The following VSTM4 variants were observed in gnomAD, a reference collection of about 807,000 sequenced individuals.
VSTM4 encodes the protein V-set and transmembrane domain containing 4.
Under a neutral mutation model 36.4 loss-of-function variants are expected in VSTM4, and 20 were observed. The observed-to-expected ratio is 0.55, with a 90% CI of 0.39 to 0.80. VSTM4 has a LOEUF of 0.80. Among genes scored for constraint, VSTM4 ranks in the 30% least tolerant of loss-of-function variants. The probability of loss-of-function intolerance (pLI) is 0.00; values close to 1 mark genes in which losing one functional copy is unlikely to be tolerated. For missense variants in VSTM4, 392 were observed against 404.5 expected (o/e 0.97, Z 0.26); for synonymous variants, 182 against 173.9 (o/e 1.05, Z -0.37).
At chr10:49,081,658 G>C (rs1004344384) in intron 3 of VSTM4, among the ~76,000 whole-genome samples, 1 of 152,206 alleles carries the variant, frequency 6.6e-6, no homozygotes, top group Admixed American at 6.5e-5. Flanking sequence ...GCTCCCCACA[G>C]GCAGCCAGGG....
At chr10:49,107,323 G>C (rs550310928) in intron 2 of VSTM4, among the ~76,000 whole-genome samples, 45 of 152,238 alleles carry the variant, frequency 3.0e-4, no homozygotes, top group Non-Finnish European at 2.1e-4. Context: ...ACACATAAGA[G>C]GCTTTGCCCA....
chr10:49,112,780 A>G (rs898707744), intron 1 of VSTM4, among the ~76,000 whole-genome samples: 7 of 152,250 alleles, frequency 4.6e-5, no homozygotes, highest in African/African-American at 1.7e-4. Flanking sequence ...GGATCCCACA[A>G]GCGATGTAGC....
intron 2 of VSTM4, among the ~76,000 whole-genome samples, chr10:49,093,928 T>C (rs184549208): frequency 3.7e-4 from 56 of 152,058 alleles, no homozygotes; most frequent in Admixed American, 5.9e-4. Context: ...TTTGTATTTT[T>C]AGTAGAGATG....
Position 49,085,974 on chromosome 10 carries a change from C to A in VSTM4, c.507G>T (p.Glu169Asp). ...CTTTACCTTCAAAAAATGCCCAAGT[C>A]TCTTTTGTTTTCTCAAAGGATGACT... ...SEESSFEKTKETWAFFEDLYV... is the reference protein window; with the variant it reads ...SEESSFEKTKDTWAFFEDLYV... Residue 169 changes from glutamate to aspartate, a missense_variant, in exon 3 of 8, where the codon GAG becomes GAT. By Grantham distance (45) the Glu-to-Asp change is conservative. Coordinates refer to ENST00000332853, the MANE Select transcript of VSTM4 (RefSeq NM_001031746.5). 3 of 1,592,944 alleles carry A rather than the reference C, an allele frequency of 1.9e-6. No homozygotes were observed. The highest frequency in any genetic ancestry group is 2.6e-6 in the Non-Finnish European group (3 of 1,171,310).
At chr10:49,046,936 T>C (rs373125631) in intron 7 of VSTM4, 47 bp downstream of exon 7, 2 of 1,570,938 alleles carry the variant, frequency 1.3e-6, no homozygotes, top group African/African-American at 2.7e-5. Context: ...ATCTGAGTTG[T>C]GTCTGAGGCT....
intron 3 of VSTM4, 100 bp from the exon 4 acceptor site, chr10:49,077,426 T>G (rs1415247562): frequency 2.8e-6 from 3 of 1,077,888 alleles, no homozygotes; most frequent in Non-Finnish European, 4.2e-6. Context: ...GAAATCCCAG[T>G]GCTACAGTCA....
intron 7 of VSTM4, 83 bp from the exon 8 acceptor site, chr10:49,019,858 T>A (rs564768464): frequency 1.4e-4 from 217 of 1,501,244 alleles, no homozygotes; most frequent in African/African-American, 7.8e-4. Flanking sequence ...CAAGTATGCA[T>A]GTTCATAGCA....
intron 2 of VSTM4, among the ~76,000 whole-genome samples, chr10:49,092,313 G>C (rs1297596128): frequency 6.6e-6 from 1 of 152,136 alleles, no homozygotes; most frequent in African/African-American, 2.4e-5. Context: ...ACCCTACTTG[G>C]AGAGTCTCTG....
At chr10:49,035,669 C>CAAAAAAA (rs3080379) in intron 7 of VSTM4, among the ~76,000 whole-genome samples, 8 of 69,284 alleles carry the variant, frequency 1.2e-4, no homozygotes, top group African/African-American at 4.4e-4. Context: ...CCCAGCTCCA[C>CAAAAAAA]AAAAAAAAAA....
intron 5 of VSTM4, among the ~76,000 whole-genome samples, chr10:49,052,682 T>G (rs1843716824): frequency 6.6e-6 from 1 of 152,230 alleles, no homozygotes; most frequent in South Asian, 2.1e-4. Context: ...TCTCCCCAAC[T>G]GCACCTTGCA....
intron 7 of VSTM4, among the ~76,000 whole-genome samples, chr10:49,039,214 G>A (rs1373072633): frequency 2.0e-5 from 3 of 152,108 alleles, no homozygotes; most frequent in East Asian, 3.9e-4. Context: ...GCGGGAGGAT[G>A]AGGCAGGCGT....
chr10:49,080,594 T>C (rs1844260771), intron 3 of VSTM4, among the ~76,000 whole-genome samples: 1 of 152,224 alleles, frequency 6.6e-6, no homozygotes, highest in African/African-American at 2.4e-5. Context: ...TGCACTAACA[T>C]TTAAGGAGAG....
intron 2 of VSTM4, among the ~76,000 whole-genome samples, chr10:49,092,469 T>C (rs1844492610): frequency 6.6e-6 from 1 of 152,164 alleles, no homozygotes; most frequent in Non-Finnish European, 1.5e-5. Context: ...GCCTCTTCTA[T>C]TTAATCTAGG....
chr10:49,106,440 T>C (rs1307741705), intron 2 of VSTM4, among the ~76,000 whole-genome samples: 2 of 152,178 alleles, frequency 1.3e-5, no homozygotes, highest in Admixed American at 6.5e-5. Flanking sequence ...AATAGAAACA[T>C]TGGTGATAAA....
intron 3 of VSTM4, among the ~76,000 whole-genome samples, chr10:49,080,348 T>C (rs894679221): frequency 2.6e-5 from 4 of 152,170 alleles, no homozygotes; most frequent in Non-Finnish European, 5.9e-5. Flanking sequence ...GGGCATGAAA[T>C]GGAATCAGAC....
intron 4 of VSTM4, among the ~76,000 whole-genome samples, chr10:49,074,108 C>T (rs758552663): frequency 3.3e-5 from 5 of 152,120 alleles, no homozygotes; most frequent in East Asian, 1.9e-4. Flanking sequence ...GCTTATCTAG[C>T]GTTTATTTCA....
At chr10:49,029,059 T>C (rs1379835636) in intron 7 of VSTM4, among the ~76,000 whole-genome samples, 2 of 152,186 alleles carry the variant, frequency 1.3e-5, no homozygotes, top group Non-Finnish European at 2.9e-5. Flanking sequence ...CACATACAAC[T>C]ATAGCCACCA....
At chr10:49,108,360 C>T (rs911125785) in intron 1 of VSTM4, among the ~76,000 whole-genome samples, 1 of 152,222 alleles carries the variant, frequency 6.6e-6, no homozygotes, top group Admixed American at 6.5e-5. Flanking sequence ...ATCCAACCCC[C>T]CACCACTCCC....
rs1228548707 is a variant in VSTM4, at chr10:49,107,648, G to T, written c.403C>A (p.His135Asn). 1 of 1,613,964 alleles carries T rather than the reference G, an allele frequency of 6.2e-7. No individual in the cohort carries two copies. Among genetic ancestry groups the T allele is most frequent in the African/African-American group, 1.3e-5 (1 of 75,054 alleles). Residue 135 changes from histidine to asparagine, a missense_variant, in exon 2 of 8, where the codon CAC becomes AAC. By Grantham distance (68) the His-to-Asn change is moderately conservative. Transcript: ENST00000332853. ...GACCAGGCCGTCCACTTGTTCCTGT[G>T]CCTGCTGATTTCCTGGACTCTGCAG... ...YVCRVQEISR[H>N]RNKWTAWSNG...
Sources: gnomAD v4.1 joint callset for allele counts (sites outside exome capture counted in the v4.1 genomes callset) on GRCh38, gnomAD v4.1.1 for gene constraint, MANE v1.5 for transcripts, NCBI Gene and HGNC (gene_info 2026-07-23, HGNC 2026-07-21) for gene names.